Variants in SPOCK1 observed in about 807,000 individuals in gnomAD.
SPOCK1 encodes the protein testican-1.
A neutral mutation model predicts 55.3 loss-of-function variants in SPOCK1; 23 were observed. That is an observed-to-expected ratio of 0.42 (90% confidence interval 0.30 to 0.59). The LOEUF is 0.59. SPOCK1 is among the 20% of genes least tolerant of loss of function. The probability of loss-of-function intolerance (pLI) is 0.22; values close to 1 mark genes in which losing one functional copy is unlikely to be tolerated. For missense variants in SPOCK1, 499 were observed against 552.5 expected (o/e 0.90, Z 0.97); for synonymous variants, 226 against 221.0 (o/e 1.02, Z -0.20).
intron 2 of SPOCK1, among the ~76,000 whole-genome samples, chr5:137,423,166 C>T (rs569079891): frequency 6.6e-6 from 1 of 152,280 alleles, no homozygotes; most frequent in South Asian, 2.1e-4. Flanking sequence ...AGAGGAGTAC[C>T]CAGCTGTGTG....
chr5:137,345,446 T>C (rs1350206909), intron 2 of SPOCK1, among the ~76,000 whole-genome samples: 1 of 152,192 alleles, frequency 6.6e-6, no homozygotes, highest in Non-Finnish European at 1.5e-5. Context: ...GAGATGGGCA[T>C]TACCTGGATT....
At chr5:137,285,713 C>T (rs764277572) in intron 2 of SPOCK1, among the ~76,000 whole-genome samples, 6 of 152,178 alleles carry the variant, frequency 3.9e-5, no homozygotes, top group Non-Finnish European at 7.3e-5. Flanking sequence ...ATTTCAGCCT[C>T]GCCTTGGCCT....
At chr5:136,982,964 C>T (rs1750761369) in intron 9 of SPOCK1, among the ~76,000 whole-genome samples, 1 of 152,102 alleles carries the variant, frequency 6.6e-6, no homozygotes, top group Non-Finnish European at 1.5e-5. Context: ...GATACTGATT[C>T]TCATTGTACT....
intron 6 of SPOCK1, among the ~76,000 whole-genome samples, chr5:137,032,189 G>A (rs925930691): frequency 6.6e-5 from 10 of 151,930 alleles, no homozygotes; most frequent in South Asian, 2.1e-4. Flanking sequence ...CTCAGTACAC[G>A]TTTGCTGACT....
At chr5:137,088,848 T>G (rs139063582) in intron 5 of SPOCK1, among the ~76,000 whole-genome samples, 9 of 152,206 alleles carry the variant, frequency 5.9e-5, no homozygotes, top group African/African-American at 2.2e-4. Context: ...GATGTGCAAC[T>G]TGGTGCAAGA....
At chr5:137,128,089 C>A (rs539486050) in intron 4 of SPOCK1, among the ~76,000 whole-genome samples, 30 of 152,222 alleles carry the variant, frequency 2.0e-4, no homozygotes, top group African/African-American at 7.2e-4. Context: ...AAAGTGGAGA[C>A]CTCATGAATG....
chr5:137,486,225 T>C (rs1263619504), intron 2 of SPOCK1, among the ~76,000 whole-genome samples: 2 of 152,108 alleles, frequency 1.3e-5, no homozygotes, highest in Non-Finnish European at 2.9e-5. Context: ...ACCCATAAAA[T>C]TGGGTAAAAC....
intron 2 of SPOCK1, among the ~76,000 whole-genome samples, chr5:137,494,338 G>A (rs905648548): frequency 1.3e-5 from 2 of 152,156 alleles, no homozygotes; most frequent in Non-Finnish European, 2.9e-5. Flanking sequence ...TATCAGTGGA[G>A]GCTTGCACCC....
intron 4 of SPOCK1, among the ~76,000 whole-genome samples, chr5:137,121,633 T>C (rs907143521): frequency 6.8e-6 from 1 of 147,036 alleles, no homozygotes; most frequent in Non-Finnish European, 1.5e-5. Flanking sequence ...TTATTCTTTA[T>C]TACATATAGT....
At chr5:137,074,433 C>G (rs979145886) in intron 5 of SPOCK1, among the ~76,000 whole-genome samples, 2 of 152,168 alleles carry the variant, frequency 1.3e-5, no homozygotes. Flanking sequence ...TTACTTCTAA[C>G]TAGTTCAGGG....
intron 5 of SPOCK1, among the ~76,000 whole-genome samples, chr5:137,076,926 T>A (rs1752777898): frequency 6.6e-6 from 1 of 151,352 alleles, no homozygotes; most frequent in Non-Finnish European, 1.5e-5. Context: ...GTAGCAGATT[T>A]AAAATTTTTT....
intron 6 of SPOCK1, among the ~76,000 whole-genome samples, chr5:137,009,070 A>T (rs1363913693): frequency 6.6e-6 from 1 of 152,220 alleles, no homozygotes; most frequent in East Asian, 1.9e-4. Context: ...AGTCTAAATG[A>T]GTTAAAATTC....
intron 3 of SPOCK1, among the ~76,000 whole-genome samples, chr5:137,154,778 C>T (rs1024244149): frequency 6.6e-6 from 1 of 152,150 alleles, no homozygotes; most frequent in African/African-American, 2.4e-5. Flanking sequence ...GCTCAGAGTG[C>T]CAAAGCTAAA....
At chr5:137,043,004 A>T (rs1166689845) in intron 6 of SPOCK1, among the ~76,000 whole-genome samples, 2 of 152,146 alleles carry the variant, frequency 1.3e-5, no homozygotes, top group African/African-American at 4.8e-5. Flanking sequence ...CTACAATAAA[A>T]AGAACCAGGT....
chr5:137,486,800 T>C (rs1178343507), intron 2 of SPOCK1, among the ~76,000 whole-genome samples: 2 of 152,268 alleles, frequency 1.3e-5, no homozygotes, highest in Non-Finnish European at 2.9e-5. Context: ...TATTATTTTA[T>C]CTTTACTGTG....
chr5:137,439,307 C>T (rs184459167), intron 2 of SPOCK1, among the ~76,000 whole-genome samples: 1 of 152,306 alleles, frequency 6.6e-6, no homozygotes, highest in East Asian at 1.9e-4. Context: ...CAAGCCACTT[C>T]CCTTCTCTTG....
chr5:137,044,032 A>C (rs1752054192), intron 6 of SPOCK1, among the ~76,000 whole-genome samples: 1 of 152,210 alleles, frequency 6.6e-6, no homozygotes, highest in Non-Finnish European at 1.5e-5. Context: ...AAATCTAAAA[A>C]TTTTCTAAAA....
chr5:137,408,560 C>T (rs2078286516), intron 2 of SPOCK1, among the ~76,000 whole-genome samples: 1 of 152,192 alleles, frequency 6.6e-6, no homozygotes, highest in African/African-American at 2.4e-5. Context: ...CTAATCCAAA[C>T]CCATTCTTGA....
intron 3 of SPOCK1, among the ~76,000 whole-genome samples, chr5:137,179,881 T>A (rs1326057715): frequency 6.6e-6 from 1 of 152,170 alleles, no homozygotes; most frequent in African/African-American, 2.4e-5. Context: ...TGTCATGTGC[T>A]CCTTGAAGAC....
Sources: gnomAD v4.1 joint callset for allele counts (sites outside exome capture counted in the v4.1 genomes callset) on GRCh38, gnomAD v4.1.1 for gene constraint, MANE v1.5 for transcripts, NCBI Gene and HGNC (gene_info 2026-07-23, HGNC 2026-07-21) for gene names.